KIF26B: variants seen among roughly 807,000 people sequenced by gnomAD.
KIF26B encodes kinesin-like protein KIF26B.
A neutral mutation model predicts 151.2 loss-of-function variants in KIF26B; 63 were observed. The observed-to-expected ratio is 0.42, with a 90% confidence interval of 0.34 to 0.51. The LOEUF is 0.51. Ranked by LOEUF, KIF26B falls within the 20% of genes least tolerant of loss-of-function variation. The pLI is 0.07. For missense variants in KIF26B, 2,813 were observed against 2,913.6 expected, an observed-to-expected ratio of 0.97 and a Z score of 0.79; for synonymous variants, 1,357 against 1,262.1, an observed-to-expected ratio of 1.08 and a Z score of -1.59.
At chr1:245,294,904 CCA>C (rs1671312744) in intron 2 of KIF26B, among the ~76,000 whole-genome samples, 2 of 152,154 alleles carry the variant, frequency 1.3e-5, no homozygotes, top group Non-Finnish European at 2.9e-5. Flanking sequence ...CTCAAGTGAT[CCA>C]CCTGCCTCGG....
intron 10 of KIF26B, among the ~76,000 whole-genome samples, chr1:245,678,896 C>T (rs2044391720): frequency 6.6e-6 from 1 of 151,852 alleles, no homozygotes; most frequent in African/African-American, 2.4e-5. Context: ...GACAAAAACT[C>T]TCTCCCTTTT....
At position 245,165,487 on chromosome 1, in the gene KIF26B, G is replaced by A. The variant is rs548884516; in HGVS notation, c.465+8804G>A. The stretch of plus-strand genomic sequence containing the variant: ...AATGGTCCAATGGGCTCCTGTTGGC[G>A]CTCTAGAGCGGCTTCTGAGGTGGAG... On this transcript the variant is annotated intron_variant, in intron 2 of 14. Transcript: ENST00000407071. Among the ~76,000 whole-genome samples, 8 of 152,294 alleles carry A rather than the reference G, an allele frequency of 5.3e-5. No individual in the cohort carries two copies. In the South Asian group the frequency reaches 1.7e-3, roughly 32 times the overall value.
At chr1:245,608,245 G>GC (rs1345187124) in intron 7 of KIF26B, among the ~76,000 whole-genome samples, 2 of 152,214 alleles carry the variant, frequency 1.3e-5, no homozygotes, top group East Asian at 1.9e-4. Flanking sequence ...AGGCAGCAGA[G>GC]CCCCCCAACA....
chr1:245,640,214 G>T (rs1380698783), intron 9 of KIF26B, among the ~76,000 whole-genome samples: 1 of 143,480 alleles, frequency 7.0e-6, no homozygotes, highest in Non-Finnish European at 1.5e-5. Context: ...TTTCAGAATT[G>T]ACTCCTTGCT....
At chr1:245,513,140 C>G (rs1204059284) in intron 4 of KIF26B, among the ~76,000 whole-genome samples, 1 of 151,940 alleles carries the variant, frequency 6.6e-6, no homozygotes, top group Non-Finnish European at 1.5e-5. Flanking sequence ...CCCCACCCTC[C>G]TCCACACCCT....
intron 2 of KIF26B, among the ~76,000 whole-genome samples, chr1:245,359,014 TTCTC>T (rs780433775): frequency 1.3e-5 from 2 of 151,982 alleles, no homozygotes; most frequent in Non-Finnish European, 2.9e-5. Context: ...GAAATCAGGT[TTCTC>T]TCTCTTTTTT....
intron 2 of KIF26B, among the ~76,000 whole-genome samples, chr1:245,341,904 A>G (rs570781636): frequency 4.6e-5 from 7 of 152,054 alleles, no homozygotes; most frequent in Non-Finnish European, 8.8e-5. Flanking sequence ...GGCACCATCT[A>G]CGCCCATCTC....
chr1:245,187,611 G>C (rs1001920338), intron 2 of KIF26B, among the ~76,000 whole-genome samples: 5 of 152,192 alleles, frequency 3.3e-5, no homozygotes, highest in African/African-American at 1.2e-4. Context: ...GAAGGTTCAG[G>C]TTCTTGTCTT....
At position 245,155,105 on chromosome 1, in the gene KIF26B, G is replaced by T. The variant is rs1205653483; in HGVS notation, c.-320G>T. On this transcript the variant is annotated 5_prime_UTR_variant, in exon 1 of 15. Transcript: ENST00000407071. ...CTCGCTTTCCTCGTGGGGGAGCACG[G>T]ACTGACTTGGCTGAAGAAAATGCCA... 7.9e-6 allele frequency: 4 copies of T among 506,876 alleles called. No homozygotes were observed. In the East Asian group the frequency reaches 1.4e-4, roughly 17 times the overall value. 31.4% of individuals were successfully genotyped at this position (506,876 alleles called of 1,614,324 possible).
chr1:245,253,800 C>CTTTT lies in KIF26B; in HGVS notation c.465+97141_465+97144dup, dbSNP rs5782330. On this transcript the variant is annotated intron_variant, in intron 2 of 14. Coordinates refer to ENST00000407071, the MANE Select transcript of KIF26B (RefSeq NM_018012.4). ...CCTGTCTATAGACTTTGAAGTCCTG[C>CTTTT]TTTTTTTTTTTTTTTTTTTTTTTTT... 2.4e-4 allele frequency among the ~76,000 whole-genome samples: 17 copies of CTTTT among 72,148 alleles called. 1 individual carries two copies. The highest frequency in any genetic ancestry group is 4.3e-4 in the African/African-American group (7 of 16,354). The allele number at this position is 72,148 out of a possible 152,430, so 47.3% of individuals were successfully genotyped here.
intron 2 of KIF26B, among the ~76,000 whole-genome samples, chr1:245,283,328 A>G (rs1050898339): frequency 1.3e-5 from 2 of 151,668 alleles, no homozygotes; most frequent in African/African-American, 4.8e-5. Flanking sequence ...CTCAAGCCCA[A>G]TCCGCCCAAG....
chr1:245,441,809 G>A (rs562594721), intron 4 of KIF26B, among the ~76,000 whole-genome samples: 3 of 152,338 alleles, frequency 2.0e-5, no homozygotes, highest in Admixed American at 2.0e-4. Context: ...GGCTCATAAA[G>A]CCTCAGTAAA....
intron 2 of KIF26B, among the ~76,000 whole-genome samples, chr1:245,341,355 T>C (rs954359913): frequency 7.8e-6 from 1 of 127,522 alleles, no homozygotes; most frequent in African/African-American, 2.8e-5. Context: ...CTGTCTTGCT[T>C]TGTCACCCAG....
At chr1:245,438,470 A>G (rs1212546808) in intron 4 of KIF26B, among the ~76,000 whole-genome samples, 1 of 152,190 alleles carries the variant, frequency 6.6e-6, no homozygotes, top group East Asian at 1.9e-4. Flanking sequence ...GAGAACCTTG[A>G]AAGTGTCATG....
rs114543423 is a variant in KIF26B at position 245,358,706 on chromosome 1, A to G, written c.466-8128A>G. On this transcript the variant is annotated intron_variant, in intron 2 of 14. Coordinates refer to ENST00000407071, the MANE Select transcript of KIF26B (RefSeq NM_018012.4). The surrounding 1 kb of genome is among the most constrained non-coding windows in gnomAD (Gnocchi z 4.1). ...ATAATTCCATTTGCTGCCTGCTGGC[A>G]CATTAAAGCCTACATGTAAAAAATA... Among the ~76,000 whole-genome samples, 1,385 of 152,334 alleles carry G rather than the reference A, an allele frequency of 9.1e-3. 22 individuals carry two copies. The highest frequency in any genetic ancestry group is 0.04 in the East Asian group (206 of 5,188).
At chr1:245,340,796 A>C (rs1672318625) in intron 2 of KIF26B, among the ~76,000 whole-genome samples, 1 of 152,168 alleles carries the variant, frequency 6.6e-6, no homozygotes, top group African/African-American at 2.4e-5. Context: ...TTGGATAGAA[A>C]GGCTCAATGT....
intron 5 of KIF26B, among the ~76,000 whole-genome samples, chr1:245,559,438 A>G (rs1318148087): frequency 6.6e-6 from 1 of 151,936 alleles, no homozygotes; most frequent in East Asian, 1.9e-4. Flanking sequence ...GTCGAGACGG[A>G]GTCTTGCTCT....
Position 245,390,939 on chromosome 1 carries a change from A to AC in KIF26B, c.999+23572_999+23573insC, listed in dbSNP as rs1380292075. ...CCTGTCTCAAAAAAAAAAAAAAAAA[A>AC]AAAAAAAAAAAAACCACCATAAAAT... On this transcript the variant is annotated intron_variant, in intron 3 of 14. Transcript: ENST00000407071. Among the ~76,000 whole-genome samples, 704 of 132,132 alleles carry AC rather than the reference A, an allele frequency of 5.3e-3. 36 individuals carry two copies. The highest frequency in any genetic ancestry group is 0.024 in the African/African-American group (669 of 28,292). The allele number at this position is 132,132 out of a possible 152,430, so 86.7% of individuals were successfully genotyped here. A position where few individuals can be genotyped will look rare whatever the true frequency, so the allele number is the denominator to read the frequency against.
intron 5 of KIF26B, among the ~76,000 whole-genome samples, chr1:245,569,119 A>G (rs1250774086): frequency 6.6e-6 from 1 of 152,206 alleles, no homozygotes; most frequent in African/African-American, 2.4e-5. Flanking sequence ...ATAGGTCATT[A>G]GAGGAGGATC....
Sources: allele counts gnomAD v4.1 joint callset (sites outside exome capture counted in the v4.1 genomes callset), GRCh38; gene constraint gnomAD v4.1.1; non-coding constraint Gnocchi (gnomAD v3.1); transcripts MANE v1.5; gene names NCBI Gene and HGNC (gene_info 2026-07-23, HGNC 2026-07-21).